The following ALK variants were observed in gnomAD, a reference collection of about 807,000 sequenced individuals.
ALK encodes the protein ALK receptor tyrosine kinase.
ALK carries 74 observed loss-of-function variants against 163.1 expected under a neutral mutation model. That is an observed-to-expected ratio of 0.45 (90% CI 0.38 to 0.55). The LOEUF (loss-of-function observed/expected upper bound fraction) is 0.55. Among genes scored for constraint, ALK ranks in the 20% least tolerant of loss-of-function variants. ALK has a pLI of 0.00. For synonymous variants in ALK, 960 were observed against 843.2 expected, an observed-to-expected ratio of 1.14 and a Z score of -2.40; for missense variants, 2,063 against 2,105.3, an observed-to-expected ratio of 0.98 and a Z score of 0.39.
Position 29,920,462 on chromosome 2 carries a change from G to C in ALK, c.198C>G (p.Val66=). 8 of 1,612,494 alleles carry C rather than the reference G, an allele frequency of 5.0e-6. No individual in the cohort carries two copies. Among genetic ancestry groups the C allele is most frequent in the Non-Finnish European group, 5.9e-6 (7 of 1,179,472 alleles). ...VDFVVPSLFR[V]YARDLLLPPS... is the part of the protein sequence containing the mutation. ...GTGGCAGCAGTAGGTCCCGGGCGTA[G>C]ACACGGAAGAGCGAGGGCACCACGA... is the stretch of plus-strand genomic sequence containing the variant. Residue 66 remains valine, a synonymous_variant, in exon 1 of 29, where the codon GTC becomes GTG. Transcript: ENST00000389048.
intron 3 of ALK, among the ~76,000 whole-genome samples, chr2:29,693,621 A>C (rs372783575): frequency 3.9e-5 from 6 of 152,222 alleles, no homozygotes; most frequent in African/African-American, 1.4e-4. Flanking sequence ...TATAAGCCTG[A>C]GAGCATTAAT....
At chr2:29,548,014 T>C (rs899701518) in intron 3 of ALK, among the ~76,000 whole-genome samples, 4 of 152,250 alleles carry the variant, frequency 2.6e-5, no homozygotes, top group Non-Finnish European at 5.9e-5. Context: ...GGACATCCTG[T>C]GTTTTATCTG....
chr2:29,762,390 C>T (rs908134504), intron 1 of ALK, among the ~76,000 whole-genome samples: 1 of 152,168 alleles, frequency 6.6e-6, no homozygotes, highest in Non-Finnish European at 1.5e-5. Flanking sequence ...AAATGGGTCT[C>T]GTTGCTGAAA....
At chr2:29,286,303 G>A (rs1343881723) in intron 9 of ALK, 1 of 152,102 alleles carries the variant, frequency 6.6e-6, no homozygotes, top group Non-Finnish European at 1.5e-5. Flanking sequence ...CTTAATATAT[G>A]TTTGCCGACA....
intron 3 of ALK, among the ~76,000 whole-genome samples, chr2:29,649,244 A>AGAG (rs761848685): frequency 8.9e-6 from 1 of 112,172 alleles, no homozygotes; most frequent in African/African-American, 4.0e-5. Flanking sequence ...GAGAGAGAGA[A>AGAG]AGTGCGTGCG....
In ALK at chr2:29,660,913, C is replaced by G. The variant is rs1282623270; in HGVS notation, c.952+33937G>C. On this transcript the variant is annotated intron_variant, in intron 3 of 28. Coordinates refer to ENST00000389048, the MANE Select transcript of ALK (RefSeq NM_004304.5). ...GCCATAAAGGCATAGAAGAAGGAGACCACACAATGCCCTCATGGAAACCGT... is the reference window on the plus strand; with the variant it reads ...GCCATAAAGGCATAGAAGAAGGAGAGCACACAATGCCCTCATGGAAACCGT... Among the ~76,000 whole-genome samples the G allele has an allele frequency of 2.0e-5, 3 of 152,100 alleles. No individual in the cohort carries two copies. The South Asian group carries it at 6.2e-4, about 32-fold the overall frequency.
Position 29,386,228 on chromosome 2 carries a change from T to C in ALK, c.1155-2369A>G, listed in dbSNP as rs1157433966. On this transcript the variant is annotated intron_variant, in intron 4 of 28. Coordinates refer to ENST00000389048, the MANE Select transcript of ALK (RefSeq NM_004304.5). ...AATTCAGGTCACTGAAGCTAATTCT[T>C]CAGCCATTTAATAAAAGTGTATTGA... is the stretch of plus-strand genomic sequence containing the variant. Among the ~76,000 whole-genome samples the C allele has an allele frequency of 2.0e-5, 3 of 152,348 alleles. No individual in the cohort carries two copies. In the East Asian group the frequency reaches 5.8e-4, roughly 29 times the overall value.
rs1271884424 is a variant in ALK, at chr2:29,801,049, C to A, written c.668-83352G>T. Among the ~76,000 whole-genome samples the A allele has an allele frequency of 5.3e-5, 8 of 152,236 alleles. No individual in the cohort carries two copies. In the South Asian group the frequency reaches 1.4e-3, roughly 28 times the overall value. ...CAGGGAGGAACAGGTCCTGAAGCAGCTCCCCCAACCTCCCAAGAACCTACA... is the reference window on the plus strand; with the variant it reads ...CAGGGAGGAACAGGTCCTGAAGCAGATCCCCCAACCTCCCAAGAACCTACA... On this transcript the variant is annotated intron_variant, in intron 1 of 28. Transcript: ENST00000389048.
At chr2:29,202,403 T>TA (rs1425586318) in intron 26 of ALK, among the ~76,000 whole-genome samples, 3 of 152,230 alleles carry the variant, frequency 2.0e-5, no homozygotes. Flanking sequence ...GTCAAAACTT[T>TA]AAAAAGGAAC....
chr2:29,633,943 C>G (rs1230673474), intron 3 of ALK, among the ~76,000 whole-genome samples: 3 of 152,150 alleles, frequency 2.0e-5, no homozygotes, highest in Non-Finnish European at 4.4e-5. Flanking sequence ...CAAAAGAAAT[C>G]TCCAGGACCA....
At chr2:29,323,631 A>G (rs1667143793) in intron 6 of ALK, among the ~76,000 whole-genome samples, 1 of 152,212 alleles carries the variant, frequency 6.6e-6, no homozygotes, top group Admixed American at 6.5e-5. Context: ...TTGTAAACTC[A>G]TCAGGGCAGC....
At chr2:29,661,560 G>T (rs1677346090) in intron 3 of ALK, among the ~76,000 whole-genome samples, 1 of 152,152 alleles carries the variant, frequency 6.6e-6, no homozygotes, top group South Asian at 2.1e-4. Context: ...GTCTTAACAG[G>T]TGATGTTCTA....
In ALK at chr2:29,223,416, G is replaced by T. The variant is rs778552902; in HGVS notation, c.3285C>A (p.Asn1095Lys). Residue 1095 changes from asparagine (N) to lysine (K), a missense_variant, in exon 20 of 29, where the codon AAC becomes AAA. Physicochemically the swap from Asn to Lys is moderately conservative, Grantham distance 94. This residue lies in a region of ALK where 575 missense variants were observed against 626.6 expected (regional missense o/e 0.92). Transcript: ENST00000389048. ...TSTIMTDYNP[N>K]YCFAGKTSSI... ...AGGAGGTCTTGCCAGCAAAGCAGTAGTTGGGGTTGTAGTCGGTCATGATGG... is the reference window on the plus strand; with the variant it reads ...AGGAGGTCTTGCCAGCAAAGCAGTATTTGGGGTTGTAGTCGGTCATGATGG... 2 of 1,614,086 alleles carry T rather than the reference G, an allele frequency of 1.2e-6. No individual in the cohort carries two copies. Among genetic ancestry groups the T allele is most frequent in the Non-Finnish European group, 1.7e-6 (2 of 1,180,058 alleles).
At chr2:29,872,099 G>C (rs1390192459) in intron 1 of ALK, among the ~76,000 whole-genome samples, 1 of 152,186 alleles carries the variant, frequency 6.6e-6, no homozygotes, top group Non-Finnish European at 1.5e-5. Flanking sequence ...CTCTCCACTT[G>C]CTTCTCCTTT....
chr2:29,577,058 C>T (rs1156312839), intron 3 of ALK, among the ~76,000 whole-genome samples: 1 of 152,152 alleles, frequency 6.6e-6, no homozygotes, highest in Non-Finnish European at 1.5e-5. Context: ...AAATCATCTT[C>T]CACGAAACCA....
intron 3 of ALK, among the ~76,000 whole-genome samples, chr2:29,628,425 T>A (rs1336267442): frequency 6.6e-6 from 1 of 152,192 alleles, no homozygotes; most frequent in Non-Finnish European, 1.5e-5. Context: ...GGGACTTAAG[T>A]GTATAAGCAG....
chr2:29,464,713 G>A (rs559852320), intron 4 of ALK, among the ~76,000 whole-genome samples: 1 of 152,288 alleles, frequency 6.6e-6, no homozygotes, highest in South Asian at 2.1e-4. Flanking sequence ...TTTGTTGTCA[G>A]AAATGAGGGG....
At chr2:29,889,911 C>G (rs1477165368) in intron 1 of ALK, among the ~76,000 whole-genome samples, 2 of 152,122 alleles carry the variant, frequency 1.3e-5, no homozygotes, top group African/African-American at 2.4e-5. Flanking sequence ...TTGCTGGACC[C>G]TCTTGTGAAA....
intron 2 of ALK, among the ~76,000 whole-genome samples, chr2:29,697,437 C>T (rs1448169973): frequency 1.3e-5 from 2 of 152,266 alleles, no homozygotes; most frequent in Non-Finnish European, 2.9e-5. Context: ...AATGATTCCA[C>T]GTTTGCCCCA....
Sources: gnomAD v4.1 joint callset for allele counts (sites outside exome capture counted in the v4.1 genomes callset) on GRCh38, gnomAD v4.1.1 for gene constraint, gnomAD v4.1.1 regional missense constraint, MANE v1.5 for transcripts, NCBI Gene and HGNC (gene_info 2026-07-23, HGNC 2026-07-21) for gene names.